EYS: variants seen among roughly 807,000 people sequenced by gnomAD.
EYS encodes EGF-like photoreceptor maintenance factor.
Under a neutral mutation model 282.1 loss-of-function variants are expected in EYS, and 250 were observed. The observed-to-expected ratio is 0.89, with a 90% CI of 0.80 to 0.98. The LOEUF (loss-of-function observed/expected upper bound fraction) is 0.98. EYS is among the 50% of genes least tolerant of loss of function. The pLI, the probability that EYS is intolerant of heterozygous loss-of-function variation, is 0.00. For missense variants in EYS, 4,016 were observed against 3,709.0 expected, an observed-to-expected ratio of 1.08 and a Z score of -2.15; for synonymous variants, 1,355 against 1,282.9, an observed-to-expected ratio of 1.06 and a Z score of -1.20.
intron 37 of EYS, among the ~76,000 whole-genome samples, chr6:63,800,647 C>CA (rs1770761995): frequency 6.6e-6 from 1 of 151,940 alleles, no homozygotes; most frequent in Non-Finnish European, 1.5e-5. Context: ...ATTAAAAATA[C>CA]AAAAAAACCT....
At chr6:64,072,026 C>T (rs1392206802) in intron 32 of EYS, among the ~76,000 whole-genome samples, 2 of 151,768 alleles carry the variant, frequency 1.3e-5, no homozygotes, top group Non-Finnish European at 2.9e-5. Context: ...AAGTACGTTT[C>T]CCATTAGTGC....
chr6:64,437,401 T>C (rs1016016760), intron 27 of EYS, among the ~76,000 whole-genome samples: 2 of 151,728 alleles, frequency 1.3e-5, no homozygotes, highest in South Asian at 2.1e-4. Flanking sequence ...AGAAAGGATA[T>C]ATACTTACAA....
intron 13 of EYS, among the ~76,000 whole-genome samples, chr6:65,004,835 GTTAT>G (rs1308614946): frequency 6.8e-6 from 1 of 147,466 alleles, no homozygotes; most frequent in African/African-American, 2.4e-5. Context: ...AGAAAGAAAT[GTTAT>G]TTATGATTTC....
chr6:63,738,637 A>G (rs1434566465), intron 41 of EYS, among the ~76,000 whole-genome samples: 2 of 150,858 alleles, frequency 1.3e-5, no homozygotes, highest in African/African-American at 4.9e-5. Flanking sequence ...ACCTAATGCT[A>G]AATGACGAGT....
chr6:65,265,361 T>C (rs1767725998), intron 12 of EYS, among the ~76,000 whole-genome samples: 1 of 152,062 alleles, frequency 6.6e-6, no homozygotes, highest in Admixed American at 6.6e-5. Flanking sequence ...TTTGTATTTA[T>C]GGATTGTGTC....
chr6:64,652,480 A>G (rs1768598799), intron 22 of EYS, among the ~76,000 whole-genome samples: 1 of 152,100 alleles, frequency 6.6e-6, no homozygotes, highest in African/African-American at 2.4e-5. Context: ...AACCACAAGG[A>G]AATGAATTTT....
At chr6:64,971,514 C>T (rs2349999) in intron 14 of EYS, among the ~76,000 whole-genome samples, 10,294 of 152,092 alleles carry the variant, frequency 0.068, 442 homozygotes, top group East Asian at 0.13. Flanking sequence ...AACATGAAGG[C>T]CTGGACAATG....
chr6:64,071,832 A>G (rs1433645308), intron 32 of EYS, among the ~76,000 whole-genome samples: 1 of 151,542 alleles, frequency 6.6e-6, no homozygotes, highest in Non-Finnish European at 1.5e-5. Context: ...ACCAAAACCA[A>G]CTCTGAGGAA....
chr6:64,470,073 T>C (rs1378986291), intron 26 of EYS, among the ~76,000 whole-genome samples: 1 of 152,146 alleles, frequency 6.6e-6, no homozygotes, highest in Admixed American at 6.5e-5. Flanking sequence ...CTCACACTCC[T>C]TATCCTGCCC....
Position 65,112,850 on chromosome 6 carries a change from T to G in EYS, c.2024-55123A>C, listed in dbSNP as rs968314207. 1.8e-4 allele frequency among the ~76,000 whole-genome samples: 27 copies of G among 152,280 alleles called. 1 individual carries two copies. The highest frequency in any genetic ancestry group is 4.6e-4 in the Admixed American group (7 of 15,302). ...TAAAATACTTTACTAAGTAGTCATT[T>G]GTATTACAGTTGCCCTTCATAAAAT... On this transcript the variant is annotated intron_variant, in intron 12 of 42. Transcript: ENST00000503581.
At chr6:65,352,650 T>G (rs9453262) in intron 9 of EYS, among the ~76,000 whole-genome samples, 115 of 151,994 alleles carry the variant, frequency 7.6e-4, no homozygotes, top group African/African-American at 2.6e-3. Context: ...CTTCCATTTA[T>G]TTCAAGCTTC....
chr6:65,404,864 A>C (rs911446642), intron 6 of EYS, among the ~76,000 whole-genome samples: 40 of 151,990 alleles, frequency 2.6e-4, no homozygotes, highest in African/African-American at 9.4e-4. Flanking sequence ...TCCTACTCTT[A>C]TTTATTTAAA....
chr6:64,280,346 A>G (rs1768261959), intron 30 of EYS, among the ~76,000 whole-genome samples: 1 of 152,122 alleles, frequency 6.6e-6, no homozygotes, highest in South Asian at 2.1e-4. Flanking sequence ...CCTCACCTAG[A>G]TAAGAAAAGA....
At chr6:64,779,868 C>T (rs115994967) in intron 22 of EYS, among the ~76,000 whole-genome samples, 110 of 152,234 alleles carry the variant, frequency 7.2e-4, no homozygotes, top group Middle Eastern at 3.4e-3. Flanking sequence ...AATGGAGAGG[C>T]TGGAACTGGT....
intron 26 of EYS, among the ~76,000 whole-genome samples, chr6:64,450,644 G>T (rs148147599): frequency 0.28 from 42,271 of 151,836 alleles, 6,005 homozygotes; most frequent in East Asian, 0.47. Flanking sequence ...GAACAGAAAT[G>T]ATAACAAACT....
At chr6:64,134,309 T>C (rs74627958) in intron 31 of EYS, among the ~76,000 whole-genome samples, 3,056 of 151,886 alleles carry the variant, frequency 0.02, 82 homozygotes, top group African/African-American at 0.061. Context: ...TTCAGAATAA[T>C]AAAGCTGGTG....
chr6:65,592,312 G>T (rs769652528), intron 2 of EYS, among the ~76,000 whole-genome samples: 10 of 151,802 alleles, frequency 6.6e-5, no homozygotes, highest in Non-Finnish European at 1.2e-4. Context: ...TTATAATATA[G>T]TATATAACTG....
intron 1 of EYS, among the ~76,000 whole-genome samples, chr6:65,686,328 G>T (rs1377433568): frequency 1.3e-5 from 2 of 151,944 alleles, no homozygotes; most frequent in African/African-American, 4.8e-5. Context: ...TCTAATATGG[G>T]ACAGAAAAGA....
At chr6:64,506,291 A>G (rs1423811029) in intron 26 of EYS, among the ~76,000 whole-genome samples, 1 of 152,152 alleles carries the variant, frequency 6.6e-6, no homozygotes, top group Non-Finnish European at 1.5e-5. Context: ...TTACCACTCT[A>G]TGCCCACTAT....
Sources: gnomAD v4.1 joint callset for allele counts (sites outside exome capture counted in the v4.1 genomes callset) on GRCh38, gnomAD v4.1.1 for gene constraint, MANE v1.5 for transcripts, NCBI Gene and HGNC (gene_info 2026-07-23, HGNC 2026-07-21) for gene names.